Variants in TMEM143 observed in about 807,000 individuals in gnomAD.
TMEM143 encodes the protein transmembrane protein 143.
In TMEM143, 45 loss-of-function variants were observed where a neutral mutation model predicts 40.3. The observed-to-expected ratio is 1.12, with a 90% confidence interval of 0.88 to 1.43. The LOEUF is 1.43. Among genes scored for constraint, TMEM143 ranks in the 40% most tolerant of loss-of-function variants. The probability of loss-of-function intolerance (pLI) is 0.00; values close to 1 mark genes in which losing one functional copy is unlikely to be tolerated. For missense variants in TMEM143, 620 were observed against 613.4 expected, an observed-to-expected ratio of 1.01 and a Z score of -0.11; for synonymous variants, 299 against 282.7, an observed-to-expected ratio of 1.06 and a Z score of -0.58.
intron 2 of TMEM143, 169 bp from the exon 3 acceptor site, chr19:48,360,345 G>C (rs1430235357): frequency 3.3e-6 from 2 of 609,274 alleles, no homozygotes; most frequent in East Asian, 6.3e-5. Flanking sequence ...TTGGGAGGCC[G>C]AGGCAGTGGA....
intron 3 of TMEM143, among the ~76,000 whole-genome samples, chr19:48,349,522 G>C (rs1037997043): frequency 1.3e-5 from 2 of 152,112 alleles, no homozygotes; most frequent in Non-Finnish European, 2.9e-5. Context: ...GCGGGCGCCT[G>C]TAATCCCAGC....
chr19:48,363,169 A>C, intron 2 of TMEM143, 122 bp downstream of exon 2: 1 of 1,350,844 alleles, frequency 7.4e-7, no homozygotes. Context: ...ACACGAAGGG[A>C]CCCGGGAACT....
chr19:48,351,149 C>T (rs1412576519), intron 3 of TMEM143, among the ~76,000 whole-genome samples: 1 of 151,934 alleles, frequency 6.6e-6, no homozygotes, highest in Non-Finnish European at 1.5e-5. Flanking sequence ...CCTCTCAACA[C>T]CTCCGCAAGG....
At chr19:48,339,771 G>A (rs952996639) in intron 6 of TMEM143, among the ~76,000 whole-genome samples, 1 of 152,022 alleles carries the variant, frequency 6.6e-6, no homozygotes, top group Non-Finnish European at 1.5e-5. Context: ...CTCTGTCACC[G>A]AGGCTGGAAT....
intron 3 of TMEM143, among the ~76,000 whole-genome samples, chr19:48,356,359 C>T (rs1325804050): frequency 4.0e-5 from 6 of 151,582 alleles, no homozygotes; most frequent in African/African-American, 1.5e-4. Flanking sequence ...ATCTCCTGAC[C>T]TCGTGATCTG....
At position 48,342,520 on chromosome 19, in the gene TMEM143, G is replaced by C. The variant is rs4275952; in HGVS notation, c.975+10C>G. On this transcript the variant is annotated intron_variant, in intron 6 of 7. Transcript: ENST00000293261. ...CAGGGCCGCAGGAGGCGTGGCAGGC[G>C]CATGCTCACCTTGGAGGCCCGCAGG... 6.3e-7 allele frequency: 1 copy of C among 1,594,626 alleles called. No homozygotes were observed. Among genetic ancestry groups the C allele is most frequent in the Non-Finnish European group, 8.5e-7 (1 of 1,172,538 alleles).
chr19:48,347,853 G>A (rs577737679), intron 3 of TMEM143, among the ~76,000 whole-genome samples: 2 of 82,554 alleles, frequency 2.4e-5, no homozygotes, highest in Non-Finnish European at 5.1e-5. Flanking sequence ...ACCGCATCTG[G>A]TCTTTTTTTT....
At chr19:48,360,273 C>T (rs1165457259) in intron 2 of TMEM143, 97 bp from the exon 3 acceptor site, 1 of 1,269,112 alleles carries the variant, frequency 7.9e-7, no homozygotes, top group Non-Finnish European at 1.1e-6. Flanking sequence ...AATCAGAGCT[C>T]TGGACTTTGA....
chr19:48,356,133 T>G (rs1451587024), intron 3 of TMEM143, among the ~76,000 whole-genome samples: 1 of 151,954 alleles, frequency 6.6e-6, no homozygotes, highest in African/African-American at 2.4e-5. Flanking sequence ...CTTTTTTTTT[T>G]TTGGGATGGA....
At chr19:48,352,262 A>AAAAAAAAAACAAAAAAAAAAAAAAC (rs74518287) in intron 3 of TMEM143, among the ~76,000 whole-genome samples, 1 of 145,062 alleles carries the variant, frequency 6.9e-6, no homozygotes, top group African/African-American at 2.6e-5. Flanking sequence ...AAAAAAAAAA[A>AAAAAAAAAACAAAAAAAAAAAAAAC]CACCATATCT....
intron 2 of TMEM143, chr19:48,360,698 T>C (rs1970021558): frequency 6.4e-6 from 1 of 155,576 alleles, no homozygotes; most frequent in East Asian, 1.9e-4. Context: ...GTTCAAGTTT[T>C]TGCTTTGACA....
At chr19:48,336,579 G>A (rs1323795223) in intron 6 of TMEM143, among the ~76,000 whole-genome samples, 1 of 152,092 alleles carries the variant, frequency 6.6e-6, no homozygotes, top group Non-Finnish European at 1.5e-5. Flanking sequence ...TCATGTGCCT[G>A]TAATTCCCGC....
chr19:48,342,445 A>C, intron 6 of TMEM143, 85 bp downstream of exon 6: 1 of 1,465,304 alleles, frequency 6.8e-7, no homozygotes, highest in Admixed American at 2.1e-5. Flanking sequence ...CGCAGGAACA[A>C]TGCATGAAAC....
intron 6 of TMEM143, among the ~76,000 whole-genome samples, chr19:48,336,681 G>A (rs1320120009): frequency 7.3e-5 from 11 of 151,542 alleles, no homozygotes; most frequent in Admixed American, 1.3e-4. Flanking sequence ...TAGCCTGGGC[G>A]ACAGAGTGAC....
chr19:48,334,770 A>G (rs1201917086), intron 6 of TMEM143, among the ~76,000 whole-genome samples: 4 of 151,622 alleles, frequency 2.6e-5, no homozygotes, highest in African/African-American at 9.7e-5. Context: ...TTTTGTAGAG[A>G]CGGGATTCTC....
chr19:48,334,464 T>C lies in TMEM143; in HGVS notation c.976-267A>G, dbSNP rs1437690693. Among the ~76,000 whole-genome samples the C allele has an allele frequency of 1.4e-4, 7 of 50,752 alleles. 1 individual carries two copies. Among genetic ancestry groups the C allele is most frequent in the Non-Finnish European group, 3.6e-4 (7 of 19,538 alleles). 33.3% of individuals were successfully genotyped at this position (50,752 alleles called of 152,430 possible). A position where few individuals can be genotyped will look rare whatever the true frequency, so the allele number is the denominator to read the frequency against. ...TTTCTTTCTTTCTTTCTTTCTTTCT[T>C]TCTTTCTTTCTTTCTTTTTCTTTCT... On this transcript the variant is annotated intron_variant, in intron 6 of 7. Transcript: ENST00000293261.
Position 48,345,370 on chromosome 19 carries a change from G to C in TMEM143, c.370-16C>G. Reference sequence around the variant, plus strand: ...CATATAAGGCCTAAGAGGAGAGTCAGAGAGAAAAAGATGGGATAGGTCTCT... The same window carrying C: ...CATATAAGGCCTAAGAGGAGAGTCACAGAGAAAAAGATGGGATAGGTCTCT... On this transcript the variant is annotated splice_polypyrimidine_tract_variant and intron_variant, in intron 3 of 7. Transcript: ENST00000293261. 1 of 1,512,468 alleles carries C rather than the reference G, an allele frequency of 6.6e-7. No individual in the cohort carries two copies. Among genetic ancestry groups the C allele is most frequent in the Non-Finnish European group, 8.8e-7 (1 of 1,133,088 alleles). The allele number at this position is 1,512,468 out of a possible 1,614,324, so 93.7% of individuals were successfully genotyped here. A position where few individuals can be genotyped will look rare whatever the true frequency, so the allele number is the denominator to read the frequency against.
chr19:48,349,061 G>A (rs1442354747), intron 3 of TMEM143, among the ~76,000 whole-genome samples: 2 of 152,106 alleles, frequency 1.3e-5, no homozygotes, highest in African/African-American at 2.4e-5. Flanking sequence ...GCGTGGTGGT[G>A]CACACCTGTG....
chr19:48,355,551 T>G (rs1015605524), intron 3 of TMEM143, among the ~76,000 whole-genome samples: 1 of 151,750 alleles, frequency 6.6e-6, no homozygotes, highest in Non-Finnish European at 1.5e-5. Flanking sequence ...CAGGAAGGAG[T>G]CAATAAGCCA....
Sources: gnomAD v4.1 joint callset for allele counts (sites outside exome capture counted in the v4.1 genomes callset) on GRCh38, gnomAD v4.1.1 for gene constraint, MANE v1.5 for transcripts, NCBI Gene and HGNC (gene_info 2026-07-23, HGNC 2026-07-21) for gene names.